Variants in VWA5B1 observed in about 807,000 individuals in gnomAD.
The protein encoded by VWA5B1 is von Willebrand factor A domain containing 5B1, also known as von Willebrand factor A domain-containing protein 5B1.
Under a neutral mutation model 118.2 loss-of-function variants are expected in VWA5B1, and 115 were observed. The observed-to-expected ratio is 0.97, with a 90% confidence interval of 0.84 to 1.14. The LOEUF is 1.14. Ranked by LOEUF, VWA5B1 falls within the 50% of genes most tolerant of loss-of-function variation. The probability of loss-of-function intolerance (pLI) is 0.00; values close to 1 mark genes in which losing one functional copy is unlikely to be tolerated. For synonymous variants in VWA5B1, 682 were observed against 658.4 expected, an observed-to-expected ratio of 1.04 and a Z score of -0.55; for missense variants, 1,596 against 1,603.8, an observed-to-expected ratio of 1.00 and a Z score of 0.08.
chr1:20,320,060 G>A (rs1448359408), intron 7 of VWA5B1, among the ~76,000 whole-genome samples: 1 of 152,254 alleles, frequency 6.6e-6, no homozygotes, highest in Non-Finnish European at 1.5e-5. Flanking sequence ...TGGAGGCTGA[G>A]CGTCAGCCAC....
intron 1 of VWA5B1, among the ~76,000 whole-genome samples, chr1:20,296,174 T>A (rs1466196550): frequency 1.3e-5 from 2 of 152,106 alleles, no homozygotes; most frequent in Admixed American, 1.3e-4. Context: ...AGGTTGTAGG[T>A]TTTTTAAAAT....
chr1:20,332,545 A>AAAATAAAATAAAATAAAATAAAATG (rs1491422341), intron 11 of VWA5B1, among the ~76,000 whole-genome samples: 1 of 142,336 alleles, frequency 7.0e-6, no homozygotes. Context: ...AAAATAAAAT[A>AAAATAAAATAAAATAAAATAAAATG]AAATGCTAAG....
Position 20,295,419 on chromosome 1 carries a change from A to G in VWA5B1, c.-27+4331A>G, listed in dbSNP as rs114586298. 9.9e-3 allele frequency among the ~76,000 whole-genome samples: 1,503 copies of G among 152,272 alleles called. 31 individuals carry two copies. The highest frequency in any genetic ancestry group is 0.034 in the African/African-American group (1,428 of 41,552). Reference sequence around the variant, plus strand: ...ACTGTGGTCAGATCAAGATCTCAGGAAGACAAATTAACAAGCCTGAGAAAT... The same window carrying G: ...ACTGTGGTCAGATCAAGATCTCAGGGAGACAAATTAACAAGCCTGAGAAAT... On this transcript the variant is annotated intron_variant, in intron 1 of 21. Coordinates refer to ENST00000289815, the MANE Select transcript of VWA5B1 (RefSeq NM_001039500.3).
chr1:20,317,315 T>C (rs183486396), intron 4 of VWA5B1, among the ~76,000 whole-genome samples: 9 of 152,242 alleles, frequency 5.9e-5, no homozygotes, highest in Admixed American at 5.9e-4. Flanking sequence ...CCGTGCCTGG[T>C]GCCTGGCCCA....
rs987810109 is a variant in VWA5B1, at chr1:20,355,234, T to C, written c.*971T>C. Among the ~76,000 whole-genome samples, 2 of 152,298 alleles carry C rather than the reference T, an allele frequency of 1.3e-5. No homozygotes were observed. The highest frequency in any genetic ancestry group is 4.8e-5 in the African/African-American group (2 of 41,564). On this transcript the variant is annotated 3_prime_UTR_variant, in exon 22 of 22. Transcript: ENST00000289815. ...CCATGCCACGCTGTGGGAGAGAGGC[T>C]TGGCTGCAGTGCCTTTGGGGATGGC...
intron 17 of VWA5B1, 58 bp downstream of exon 17, chr1:20,345,651 G>T (rs55950141): frequency 5.4e-6 from 8 of 1,482,816 alleles, no homozygotes; most frequent in Non-Finnish European, 6.3e-6. Context: ...CTGTGGACTA[G>T]GGGAGGGGGC....
chr1:20,303,647 C>T (rs1179993242), intron 1 of VWA5B1, among the ~76,000 whole-genome samples: 1 of 152,190 alleles, frequency 6.6e-6, no homozygotes, highest in Non-Finnish European at 1.5e-5. Context: ...ACACTAACCT[C>T]AGGCAGTTTG....
chr1:20,317,551 T>A lies in VWA5B1; in HGVS notation c.585T>A (p.Gly195=). ...CCAGCAAAGACAGGCACTGCTTCGG[T>A]GCCTGGGCCCCGGGCTCCTGGAATA... ...QAQGKDRHCF[G]AWAPGSWNKL... Residue 195 remains glycine, a synonymous_variant, in exon 5 of 22, where the codon GGT becomes GGA. Coordinates refer to ENST00000289815, the MANE Select transcript of VWA5B1 (RefSeq NM_001039500.3). The A allele has an allele frequency of 6.4e-7, 1 of 1,551,682 alleles. No homozygotes were observed. The highest frequency in any genetic ancestry group is 8.7e-7 in the Non-Finnish European group (1 of 1,146,966).
intron 18 of VWA5B1, among the ~76,000 whole-genome samples, chr1:20,349,731 C>CG (rs2090085810): frequency 8.9e-6 from 1 of 111,818 alleles, no homozygotes; most frequent in South Asian, 3.0e-4. Flanking sequence ...ACATTCCTGA[C>CG]TTTTTTTTTT....
Position 20,343,213 on chromosome 1 carries a change from G to GGCCTGCACGACAGCCAAC in VWA5B1, c.2454_2471dup (p.His818_Leu823dup). 1 of 1,549,600 alleles carries GGCCTGCACGACAGCCAAC rather than the reference G, an allele frequency of 6.5e-7. No individual in the cohort carries two copies. Reference sequence around the variant, plus strand: ...GGTGCTGGGCAAGGCCCTGGTCAAAGGCCTGCACGACAGCCAACGCCTGCA... The same window carrying GGCCTGCACGACAGCCAAC: ...GGTGCTGGGCAAGGCCCTGGTCAAAGGCCTGCACGACAGCCAACGCCTGCACGACAGCCAACGCCTGCA... On this transcript the variant is annotated inframe_insertion, in exon 16 of 22. Transcript: ENST00000289815.
chr1:20,340,199 G>GCGCA (rs1553121623), intron 14 of VWA5B1, among the ~76,000 whole-genome samples: 3 of 148,692 alleles, frequency 2.0e-5, no homozygotes, highest in Non-Finnish European at 4.5e-5. Context: ...ATATGTGCGC[G>GCGCA]CACACACACA....
rs2090191890 is a variant in VWA5B1 at position 20,354,326 on chromosome 1, T to A, written c.*63T>A. 6.8e-7 allele frequency: 1 copy of A among 1,477,944 alleles called. No homozygotes were observed. 91.6% of individuals were successfully genotyped at this position (1,477,944 alleles called of 1,614,324 possible). ...GAGGAGAGGGATGGGCAGGGCCATGTCGGCCTGGTTTCGGGGAGCTTTTGG... is the reference window on the plus strand; with the variant it reads ...GAGGAGAGGGATGGGCAGGGCCATGACGGCCTGGTTTCGGGGAGCTTTTGG... On this transcript the variant is annotated 3_prime_UTR_variant, in exon 22 of 22. Coordinates refer to ENST00000289815, the MANE Select transcript of VWA5B1 (RefSeq NM_001039500.3).
chr1:20,327,999 A>C lies in VWA5B1; in HGVS notation c.1253A>C (p.Glu418Ala). The change falls in exon 9 of 22, where the codon GAG becomes GCG. Residue 418 changes from glutamate to alanine, a missense_variant and splice_region_variant. Physicochemically the swap from Glu to Ala is moderately radical, Grantham distance 107. Transcript: ENST00000289815. ...SLFPSSQTYS[E>A]DSLAMACDDI... ...TTTCCTTCCAGCCAGACCTACAGTG[A>C]GGTAATGAGGGGGCAAGGCTGGGAC... The C allele has an allele frequency of 3.9e-6, 6 of 1,551,194 alleles. No individual in the cohort carries two copies. The highest frequency in any genetic ancestry group is 5.2e-6 in the Non-Finnish European group (6 of 1,146,748).
intron 10 of VWA5B1, 150 bp from the exon 11 acceptor site, chr1:20,330,719 G>A (rs1359382041): frequency 2.0e-5 from 16 of 798,542 alleles, no homozygotes; most frequent in East Asian, 5.3e-5. Flanking sequence ...GGGTACCCCC[G>A]ATGGCCCCTC....
chr1:20,345,603 GC>G lies in VWA5B1; in HGVS notation c.2764+11del. On this transcript the variant is annotated intron_variant, in intron 17 of 21. Coordinates refer to ENST00000289815, the MANE Select transcript of VWA5B1 (RefSeq NM_001039500.3). ...GAGTACCCCAACTCTGGTAAGGCAG[GC>G]GAGCGGCCGGGGGCACTCCTGGGGG... The G allele has an allele frequency of 6.5e-7, 1 of 1,538,590 alleles. No individual in the cohort carries two copies. Among genetic ancestry groups the G allele is most frequent in the Non-Finnish European group, 8.8e-7 (1 of 1,140,482 alleles).
chr1:20,316,928 C>T (rs766373641), intron 4 of VWA5B1, among the ~76,000 whole-genome samples: 7 of 152,052 alleles, frequency 4.6e-5, no homozygotes, highest in South Asian at 4.2e-4. Flanking sequence ...GAGGCCGAGA[C>T]GGGCGGATCA....
chr1:20,358,493 C>T lies in VWA5B1; in HGVS notation c.*4230C>T, dbSNP rs188296321. On this transcript the variant is annotated 3_prime_UTR_variant, in exon 22 of 22. Transcript: ENST00000289815. Reference sequence around the variant, plus strand: ...CCTATCTGTGTACAGTCTGCCCCCCCACCCTGCAATTGCCTGCCCCATTGA... The same window carrying T: ...CCTATCTGTGTACAGTCTGCCCCCCTACCCTGCAATTGCCTGCCCCATTGA... Among the ~76,000 whole-genome samples, 104 of 152,294 alleles carry T rather than the reference C, an allele frequency of 6.8e-4. No individual in the cohort carries two copies. In the South Asian group the frequency reaches 0.011, roughly 16 times the overall value.
At chr1:20,347,645 T>C (rs1050031525) in intron 17 of VWA5B1, among the ~76,000 whole-genome samples, 3 of 151,860 alleles carry the variant, frequency 2.0e-5, no homozygotes, top group Non-Finnish European at 4.4e-5. Context: ...TTTTTTTTGG[T>C]AGAGATAGGG....
intron 12 of VWA5B1, among the ~76,000 whole-genome samples, chr1:20,335,388 AT>A (rs1279558697): frequency 5.3e-5 from 8 of 152,204 alleles, no homozygotes; most frequent in African/African-American, 1.9e-4. Context: ...CAAGATACTG[AT>A]AAGTGTGAGC....
Sources: gnomAD v4.1 joint callset for allele counts (sites outside exome capture counted in the v4.1 genomes callset) on GRCh38, gnomAD v4.1.1 for gene constraint, MANE v1.5 for transcripts, NCBI Gene and HGNC (gene_info 2026-07-23, HGNC 2026-07-21) for gene names.